The following COL28A1 variants were observed in gnomAD, a reference collection of about 807,000 sequenced individuals.
COL28A1 encodes the protein collagen type XXVIII alpha 1 chain.
COL28A1 carries 161 observed loss-of-function variants against 150.2 expected under a neutral mutation model. The ratio of observed to expected loss-of-function variants is 1.07; its 90% CI spans 0.94 to 1.22. The LOEUF is 1.22. Among genes scored for constraint, COL28A1 ranks in the 50% most tolerant of loss-of-function variants. The probability of loss-of-function intolerance (pLI) is 0.00; values close to 1 mark genes in which losing one functional copy is unlikely to be tolerated. For synonymous variants in COL28A1, 552 were observed against 469.7 expected (o/e 1.18, Z -2.26); for missense variants, 1,617 against 1,388.3 (o/e 1.16, Z -2.62).
In COL28A1 at chr7:7,357,961, CTTCT is replaced by C. The variant is rs2128276402; in HGVS notation, c.*668_*671del. 1 of 152,068 alleles carries C rather than the reference CTTCT, an allele frequency of 6.6e-6. No homozygotes were observed. The highest frequency in any genetic ancestry group is 1.9e-4 in the East Asian group (1 of 5,176). The allele number at this position is 152,068 out of a possible 1,614,324, so 9.4% of individuals were successfully genotyped here. ...TATTTTAATGGAAGGGTATAAAAAC[CTTCT>C]TTGTTTTAACATACATTAAACACTT... On this transcript the variant is annotated 3_prime_UTR_variant, in exon 35 of 35. Transcript: ENST00000399429.
chr7:7,403,780 TAC>T (rs1783349512), intron 27 of COL28A1, among the ~76,000 whole-genome samples: 1 of 152,330 alleles, frequency 6.6e-6, no homozygotes, highest in South Asian at 2.1e-4. Flanking sequence ...AGATATAAAA[TAC>T]AGTTTTGTAT....
At chr7:7,450,979 T>C (rs956082933) in intron 18 of COL28A1, among the ~76,000 whole-genome samples, 2 of 152,096 alleles carry the variant, frequency 1.3e-5, no homozygotes, top group African/African-American at 2.4e-5. Flanking sequence ...TGGATAAAAA[T>C]GTGTGGGAAA....
chr7:7,380,421 T>C (rs1025692191), intron 30 of COL28A1, among the ~76,000 whole-genome samples: 1 of 152,104 alleles, frequency 6.6e-6, no homozygotes, highest in Non-Finnish European at 1.5e-5. Context: ...CTACCAAGCA[T>C]CCGAGTGGAG....
At chr7:7,461,903 G>A (rs745636507) in intron 15 of COL28A1, among the ~76,000 whole-genome samples, 1 of 152,104 alleles carries the variant, frequency 6.6e-6, no homozygotes, top group South Asian at 2.1e-4. Context: ...ATGCTCTCTT[G>A]AAAACACCAC....
At chr7:7,359,577 A>G (rs967970463) in intron 34 of COL28A1, among the ~76,000 whole-genome samples, 1 of 152,210 alleles carries the variant, frequency 6.6e-6, no homozygotes, top group African/African-American at 2.4e-5. Flanking sequence ...AAGTGATGCC[A>G]AGGTGGGAGA....
chr7:7,485,602 T>C (rs1779584505), intron 13 of COL28A1, among the ~76,000 whole-genome samples: 1 of 152,226 alleles, frequency 6.6e-6, no homozygotes, highest in Non-Finnish European at 1.5e-5. Flanking sequence ...TTACATTTTA[T>C]ATTTAAATCT....
chr7:7,422,805 T>C (rs772835304), intron 25 of COL28A1, among the ~76,000 whole-genome samples: 2 of 152,152 alleles, frequency 1.3e-5, no homozygotes, highest in African/African-American at 4.8e-5. Flanking sequence ...CTGCCGGCTA[T>C]TACTACCAGC....
chr7:7,353,072 A>AAG (rs1333808913), downstream of COL28A1, among the ~76,000 whole-genome samples: 1 of 152,178 alleles, frequency 6.6e-6, no homozygotes, highest in African/African-American at 2.4e-5. Flanking sequence ...GGAAAAGTAA[A>AAG]AGGCATTAGG....
chr7:7,374,302 T>C (rs991143142), intron 31 of COL28A1, among the ~76,000 whole-genome samples: 1 of 151,882 alleles, frequency 6.6e-6, no homozygotes, highest in Non-Finnish European at 1.5e-5. Context: ...TATGTGAAAA[T>C]TGAAATTTGC....
At chr7:7,362,516 C>T (rs539881601) in intron 33 of COL28A1, among the ~76,000 whole-genome samples, 32 of 152,200 alleles carry the variant, frequency 2.1e-4, no homozygotes, top group African/African-American at 7.7e-4. Flanking sequence ...TGCATGCATA[C>T]ATACACACAC....
At chr7:7,356,902 A>G (rs139700299), downstream of COL28A1, 12 of 152,352 alleles carry the variant, frequency 7.9e-5, no homozygotes, top group African/African-American at 2.4e-4. Flanking sequence ...ATTACATAAT[A>G]CAATTTTAAT....
At chr7:7,449,080 A>G (rs978809583) in intron 18 of COL28A1, among the ~76,000 whole-genome samples, 17 of 152,126 alleles carry the variant, frequency 1.1e-4, no homozygotes, top group African/African-American at 3.9e-4. Context: ...ATATCTCAAA[A>G]CATCAAATTG....
intron 11 of COL28A1, among the ~76,000 whole-genome samples, chr7:7,504,511 G>C (rs769372137): frequency 1.3e-5 from 2 of 152,082 alleles, no homozygotes; most frequent in Non-Finnish European, 2.9e-5. Flanking sequence ...AAAAAAGAGA[G>C]AGAGAAGAAG....
chr7:7,476,756 C>G (rs17459995), intron 14 of COL28A1, among the ~76,000 whole-genome samples: 2 of 151,998 alleles, frequency 1.3e-5, no homozygotes, highest in Non-Finnish European at 2.9e-5. Context: ...CTGTGTTTCA[C>G]GAAAAAAGCT....
chr7:7,347,694 A>G, the COL28A1 span, among the ~76,000 whole-genome samples: 1 of 152,154 alleles, frequency 6.6e-6, no homozygotes, highest in South Asian at 2.1e-4. Context: ...TAAATCTTAT[A>G]TAGTCTGTAG....
chr7:7,417,835 T>C, intron 27 of COL28A1, 24 bp downstream of exon 27: 2 of 1,603,592 alleles, frequency 1.2e-6, no homozygotes, highest in Non-Finnish European at 1.7e-6. Flanking sequence ...CAGAGGTGAC[T>C]CCAGCACAAC....
At chr7:7,471,988 C>G (rs1788471852) in intron 15 of COL28A1, among the ~76,000 whole-genome samples, 1 of 152,292 alleles carries the variant, frequency 6.6e-6, no homozygotes, top group African/African-American at 2.4e-5. Context: ...ATGATTAAAG[C>G]TCTCAGCAAA....
rs1185720526 is a variant in COL28A1 at position 7,531,827 on chromosome 7, T to C, written c.202A>G (p.Lys68Glu). 15 of 1,606,538 alleles carry C rather than the reference T, an allele frequency of 9.3e-6. No individual in the cohort carries two copies. Among genetic ancestry groups the C allele is most frequent in the Admixed American group, 1.7e-5 (1 of 60,010 alleles). The change falls in exon 3 of 35, where the codon AAA becomes GAA. Residue 68 changes from lysine to glutamate, a missense_variant. By Grantham distance (56) the Lys-to-Glu change is moderately conservative. Coordinates refer to ENST00000399429, the MANE Select transcript of COL28A1 (RefSeq NM_001037763.3). ...TCACTCAAGCTATCCACAAAATCTTTCTGTTTATCAAAGAGGGCAATTTTA... is the reference window on the plus strand; with the variant it reads ...TCACTCAAGCTATCCACAAAATCTTCCTGTTTATCAAAGAGGGCAATTTTA... ...SSKIALFDKQ[K>E]DFVDSLSDKI...
chr7:7,478,686 C>T (rs959483304), intron 13 of COL28A1, among the ~76,000 whole-genome samples: 26 of 152,248 alleles, frequency 1.7e-4, no homozygotes, highest in African/African-American at 6.0e-4. Context: ...CAAGCCCTGC[C>T]CCGCGGAGAG....
Sources: allele counts gnomAD v4.1 joint callset (sites outside exome capture counted in the v4.1 genomes callset), GRCh38; gene constraint gnomAD v4.1.1; transcripts MANE v1.5; gene names NCBI Gene and HGNC (gene_info 2026-07-23, HGNC 2026-07-21).